The following CELF2 variants were observed in gnomAD, a reference collection of about 807,000 sequenced individuals.
CELF2 encodes the protein CUGBP Elav-like family member 2.
CELF2 carries 8 observed loss-of-function variants against 62.6 expected under a neutral mutation model. That is an observed-to-expected ratio of 0.13 (90% CI 0.07 to 0.23). The LOEUF (loss-of-function observed/expected upper bound fraction) is 0.23, where lower values mean the gene tolerates loss of function less well. Ranked by LOEUF, CELF2 falls within the 10% of genes least tolerant of loss-of-function variation. CELF2 has a pLI of 1.00. For missense variants in CELF2, 333 were observed against 671.0 expected (o/e 0.50, Z 5.56); for synonymous variants, 258 against 250.0 (o/e 1.03, Z -0.30).
chr10:11,038,117 C>T (rs1170622246), intron 1 of CELF2, among the ~76,000 whole-genome samples: 1 of 152,190 alleles, frequency 6.6e-6, no homozygotes, highest in Non-Finnish European at 1.5e-5. Flanking sequence ...AGCTGAAGCT[C>T]GCATGAGAAA....
rs555812610 is a variant in CELF2, at chr10:11,206,398, C to T, written c.272-11027C>T. On this transcript the variant is annotated intron_variant, in intron 2 of 12. Coordinates refer to ENST00000633077, the MANE Select transcript of CELF2 (RefSeq NM_001326342.2). The stretch of plus-strand genomic sequence containing the variant: ...CTACAGAATCTATACTATGAAATAA[C>T]CTTATATTAGAAACTTTCTTCTAAT... 2.2e-4 allele frequency among the ~76,000 whole-genome samples: 33 copies of T among 152,324 alleles called. No homozygotes were observed. In the South Asian group the frequency reaches 2.9e-3, roughly 13 times the overall value.
rs575418023 is a variant in CELF2 at position 10,944,513 on chromosome 10, A to C, written c.89+24514A>C. Among the ~76,000 whole-genome samples the C allele has an allele frequency of 3.9e-5, 6 of 152,290 alleles. No homozygotes were observed. In the South Asian group the frequency reaches 8.3e-4, roughly 21 times the overall value. On this transcript the variant is annotated intron_variant, in intron 2 of 13. Coordinates refer to the CELF2 transcript ENST00000636488. Reference sequence around the variant, plus strand: ...CAAATATAGGAACTTCATTTCATTTAAGAAGCTCAACTTTAGAGGGGGCAA... The same window carrying C: ...CAAATATAGGAACTTCATTTCATTTCAGAAGCTCAACTTTAGAGGGGGCAA...
Position 11,211,660 on chromosome 10 carries a change from C to T in CELF2, c.272-5765C>T, listed in dbSNP as rs1341529508. Reference sequence around the variant, plus strand: ...GTGGTTTGAAAAGGTTTGTGATAATCCAGATGGTTTCTTTGAGGATAAATC... The same window carrying T: ...GTGGTTTGAAAAGGTTTGTGATAATTCAGATGGTTTCTTTGAGGATAAATC... On this transcript the variant is annotated intron_variant, in intron 2 of 12. Coordinates refer to ENST00000633077, the MANE Select transcript of CELF2 (RefSeq NM_001326342.2). This position sits in a 1 kb window ranked among gnomAD's most constrained non-coding sequence, Gnocchi z 4.8. Among the ~76,000 whole-genome samples the T allele has an allele frequency of 1.3e-5, 2 of 151,966 alleles. No homozygotes were observed. Among genetic ancestry groups the T allele is most frequent in the Admixed American group, 6.6e-5 (1 of 15,246 alleles).
the CELF2 span, among the ~76,000 whole-genome samples, chr10:10,616,691 CGTGTGT>C: frequency 2.1e-3 from 288 of 134,498 alleles, 1 homozygote; most frequent in African/African-American, 6.6e-3. Context: ...TGTGTGTGTG[CGTGTGT>C]GTGTGTGTGT....
the CELF2 span, among the ~76,000 whole-genome samples, chr10:10,709,014 C>G: frequency 6.6e-6 from 1 of 152,162 alleles, no homozygotes; most frequent in Non-Finnish European, 1.5e-5. Context: ...CCTGCCCTTG[C>G]AAGGTGTTAC....
the CELF2 span, among the ~76,000 whole-genome samples, chr10:10,597,720 G>A: frequency 2.0e-5 from 3 of 152,256 alleles, no homozygotes; most frequent in East Asian, 1.9e-4. Flanking sequence ...ACAAAATCAC[G>A]TTTCAAGTGC....
At chr10:10,528,556 T>G in the CELF2 span, among the ~76,000 whole-genome samples, 1 of 152,194 alleles carries the variant, frequency 6.6e-6, no homozygotes, top group African/African-American at 2.4e-5. Context: ...GCACCCCACT[T>G]AAGAGTCTGC....
At chr10:11,323,411 C>G (rs955071656) in intron 11 of CELF2, among the ~76,000 whole-genome samples, 1 of 132,934 alleles carries the variant, frequency 7.5e-6, no homozygotes, top group Non-Finnish European at 1.6e-5. Flanking sequence ...GCAAATGATG[C>G]CAGGCAGAGC....
chr10:11,218,134 A>G lies in CELF2; in HGVS notation c.354+627A>G, dbSNP rs1031726959. Among the ~76,000 whole-genome samples the G allele has an allele frequency of 3.9e-5, 6 of 152,224 alleles. 1 individual carries two copies. The highest frequency in any genetic ancestry group is 8.8e-5 in the Non-Finnish European group (6 of 68,040). On this transcript the variant is annotated intron_variant, in intron 3 of 12. Coordinates refer to ENST00000633077, the MANE Select transcript of CELF2 (RefSeq NM_001326342.2). ...AACTGATGTTGCATGTAGGAACACC[A>G]GAATACAGTTTTTCTAAAGGATTTT... is the stretch of plus-strand genomic sequence containing the variant.
At chr10:10,883,334 T>C (rs950905930) in intron 1 of CELF2, among the ~76,000 whole-genome samples, 1 of 152,244 alleles carries the variant, frequency 6.6e-6, no homozygotes, top group African/African-American at 2.4e-5. Context: ...ATTGAGCGTT[T>C]AAGCAATAAA....
the CELF2 span, among the ~76,000 whole-genome samples, chr10:10,753,614 AC>A: frequency 6.6e-6 from 1 of 152,212 alleles, no homozygotes; most frequent in African/African-American, 2.4e-5. Flanking sequence ...TTCTTCTTGG[AC>A]AACTTAAGTA....
At chr10:10,570,053 A>G in the CELF2 span, among the ~76,000 whole-genome samples, 2 of 152,194 alleles carry the variant, frequency 1.3e-5, no homozygotes, top group Admixed American at 1.3e-4. Flanking sequence ...AAGAAAAGGT[A>G]GTTGAGAAAC....
At chr10:10,659,807 G>A in the CELF2 span, among the ~76,000 whole-genome samples, 15 of 152,138 alleles carry the variant, frequency 9.9e-5, no homozygotes, top group Admixed American at 9.2e-4. Flanking sequence ...GTACCCTTCA[G>A]CTACTCAGAT....
intron 2 of CELF2, among the ~76,000 whole-genome samples, chr10:11,190,343 A>G (rs7070821): frequency 0.1 from 15,943 of 152,228 alleles, 928 homozygotes; most frequent in East Asian, 0.17. Context: ...AGAATATCTT[A>G]GGCTAAAAGT....
intron 2 of CELF2, among the ~76,000 whole-genome samples, chr10:11,200,641 G>A (rs559265561): frequency 1.2e-3 from 182 of 152,306 alleles, no homozygotes; most frequent in African/African-American, 4.2e-3. Flanking sequence ...ACAGATCTCT[G>A]CAAGACATTT....
At chr10:11,124,659 A>G (rs1050553542) in intron 1 of CELF2, among the ~76,000 whole-genome samples, 13 of 152,318 alleles carry the variant, frequency 8.5e-5, no homozygotes, top group Middle Eastern at 3.4e-3. Context: ...TCTGTTGAGT[A>G]CCTACCATGT....
chr10:10,572,307 T>C, the CELF2 span, among the ~76,000 whole-genome samples: 1 of 152,078 alleles, frequency 6.6e-6, no homozygotes, highest in African/African-American at 2.4e-5. Flanking sequence ...TCAGGATTCA[T>C]GAAACAGTTT....
At chr10:11,021,573 C>T (rs1164122711) in intron 1 of CELF2, among the ~76,000 whole-genome samples, 2 of 152,140 alleles carry the variant, frequency 1.3e-5, no homozygotes, top group African/African-American at 2.4e-5. Context: ...AATAAGGAAA[C>T]GTGAGTTGTT....
chr10:10,679,162 A>C, the CELF2 span, among the ~76,000 whole-genome samples: 1 of 152,238 alleles, frequency 6.6e-6, no homozygotes. Context: ...TTTATCAAGA[A>C]TGGTAGGAGA....
Sources: allele counts gnomAD v4.1 joint callset (sites outside exome capture counted in the v4.1 genomes callset), GRCh38; gene constraint gnomAD v4.1.1; non-coding constraint Gnocchi (gnomAD v3.1); transcripts MANE v1.5; gene names NCBI Gene and HGNC (gene_info 2026-07-23, HGNC 2026-07-21).